CLASP2: variants seen among roughly 807,000 people sequenced by gnomAD.
CLASP2 encodes CLIP-associating protein 2.
A neutral mutation model predicts 194.4 loss-of-function variants in CLASP2; 47 were observed. The observed-to-expected ratio is 0.24, with a 90% CI of 0.19 to 0.31. The LOEUF (loss-of-function observed/expected upper bound fraction) is 0.31. Among genes scored for constraint, CLASP2 ranks in the 10% least tolerant of loss-of-function variants. The pLI, the probability that CLASP2 is intolerant of heterozygous loss-of-function variation, is 1.00. For synonymous variants in CLASP2, 619 were observed against 633.5 expected, an observed-to-expected ratio of 0.98 and a Z score of 0.34; for missense variants, 1,445 against 1,823.6, an observed-to-expected ratio of 0.79 and a Z score of 3.78.
At chr3:33,649,276 T>G (rs544539098) in intron 7 of CLASP2, among the ~76,000 whole-genome samples, 17 of 152,356 alleles carry the variant, frequency 1.1e-4, no homozygotes, top group African/African-American at 4.1e-4. Flanking sequence ...GATGTATCCC[T>G]GCCTGTGTTA....
In CLASP2 at chr3:33,592,415, T is replaced by A. The variant is rs1398293357; in HGVS notation, c.2048A>T (p.Lys683Ile). 1 of 1,613,096 alleles carries A rather than the reference T, an allele frequency of 6.2e-7. No homozygotes were observed. Among genetic ancestry groups the A allele is most frequent in the African/African-American group, 1.3e-5 (1 of 74,930 alleles). Residue 683 changes from lysine (K) to isoleucine (I), a missense_variant, in exon 21 of 39, where the codon AAA (lysine) becomes ATA (isoleucine). Transcript: ENST00000682230. ...KADSRGRSRT[K>I]MVSQSQPGSR... Reference sequence around the variant, plus strand: ...CATACGCTGTGATTGAGACACCATTTTTGTTCGACTTCTTCCTCTAGAATC... The same window carrying A: ...CATACGCTGTGATTGAGACACCATTATTGTTCGACTTCTTCCTCTAGAATC...
At chr3:33,716,737 G>A (rs756152361) in intron 1 of CLASP2, among the ~76,000 whole-genome samples, 9 of 152,152 alleles carry the variant, frequency 5.9e-5, no homozygotes, top group Admixed American at 5.9e-4. Flanking sequence ...AAGCATCGAC[G>A]TGGGTAACTC....
At chr3:33,682,691 A>G (rs1575559916) in intron 6 of CLASP2, among the ~76,000 whole-genome samples, 1 of 152,224 alleles carries the variant, frequency 6.6e-6, no homozygotes, top group African/African-American at 2.4e-5. Context: ...CAGGATCTTT[A>G]GTGATCTGAC....
intron 21 of CLASP2, among the ~76,000 whole-genome samples, chr3:33,586,355 G>A (rs921227378): frequency 1.1e-4 from 16 of 151,972 alleles, no homozygotes; most frequent in African/African-American, 3.9e-4. Context: ...GGCTGGTCTC[G>A]AACTCCTGAC....
chr3:33,718,214 G>T lies in CLASP2; in HGVS notation c.-212C>A, dbSNP rs537739198. On this transcript the variant is annotated 5_prime_UTR_variant, in exon 1 of 39. Coordinates refer to ENST00000682230, the MANE Select transcript of CLASP2 (RefSeq NM_001365631.1). ...CTCGGCGCCCCCCGATCCCCAGCCC[G>T]CTTCAGAGGCCGCGGCCGCGGGCGA... 1 of 301,060 alleles carries T rather than the reference G, an allele frequency of 3.3e-6. No individual in the cohort carries two copies. Among genetic ancestry groups the T allele is most frequent in the Admixed American group, 5.3e-5 (1 of 18,720 alleles). 18.6% of individuals were successfully genotyped at this position (301,060 alleles called of 1,614,324 possible).
intron 14 of CLASP2, 103 bp from the exon 15 acceptor site, chr3:33,607,564 C>T (rs182489474): frequency 2.0e-5 from 13 of 635,016 alleles, no homozygotes; most frequent in Non-Finnish European, 2.7e-5. Context: ...AACAGGTAGG[C>T]GAGGAAAATA....
At chr3:33,564,176 G>T (rs979917304) in intron 27 of CLASP2, among the ~76,000 whole-genome samples, 2 of 152,098 alleles carry the variant, frequency 1.3e-5, no homozygotes, top group Non-Finnish European at 2.9e-5. Context: ...TCACCAATTA[G>T]AACTAGAACC....
intron 23 of CLASP2, among the ~76,000 whole-genome samples, chr3:33,579,015 A>T (rs1560126710): frequency 1.3e-5 from 2 of 152,218 alleles, no homozygotes; most frequent in Non-Finnish European, 2.9e-5. Flanking sequence ...CAAAGAATGT[A>T]GGCAAATGTA....
At chr3:33,538,376 TA>T (rs899277506) in intron 33 of CLASP2, among the ~76,000 whole-genome samples, 1 of 152,228 alleles carries the variant, frequency 6.6e-6, no homozygotes, top group Admixed American at 6.5e-5. Context: ...CCACACAATC[TA>T]AAATAGACTC....
chr3:33,592,776 A>C (rs1404535603), intron 20 of CLASP2: 1 of 398,194 alleles, frequency 2.5e-6, no homozygotes, highest in Admixed American at 3.9e-5. Flanking sequence ...GATAATCACC[A>C]TAAGCATGTC....
intron 18 of CLASP2, among the ~76,000 whole-genome samples, chr3:33,598,671 T>A (rs1432652271): frequency 6.6e-6 from 1 of 152,190 alleles, no homozygotes; most frequent in Non-Finnish European, 1.5e-5. Context: ...TCACCCCTTT[T>A]CTTGACCGTC....
intron 8 of CLASP2, among the ~76,000 whole-genome samples, chr3:33,633,142 CCA>C (rs1338054316): frequency 6.6e-6 from 1 of 152,128 alleles, no homozygotes; most frequent in Non-Finnish European, 1.5e-5. Flanking sequence ...GCACCTGACT[CCA>C]GTTTGCAGTT....
chr3:33,673,156 T>A (rs2087719475), intron 6 of CLASP2, among the ~76,000 whole-genome samples: 1 of 152,050 alleles, frequency 6.6e-6, no homozygotes, highest in African/African-American at 2.4e-5. Flanking sequence ...TCACCAAGGT[T>A]GAAATGAAGG....
chr3:33,668,133 C>T (rs556106716), intron 6 of CLASP2, among the ~76,000 whole-genome samples: 6 of 152,246 alleles, frequency 3.9e-5, no homozygotes, highest in East Asian at 3.9e-4. Flanking sequence ...GCAAGAGAAT[C>T]GCTTGAACCC....
intron 32 of CLASP2, among the ~76,000 whole-genome samples, chr3:33,539,179 C>T (rs1358535617): frequency 6.6e-6 from 1 of 152,100 alleles, no homozygotes; most frequent in South Asian, 2.1e-4. Context: ...ACTAGTTTGT[C>T]TTTCCACCTT....
chr3:33,552,679 C>A (rs528290915), intron 29 of CLASP2, among the ~76,000 whole-genome samples: 6 of 152,106 alleles, frequency 3.9e-5, no homozygotes, highest in African/African-American at 9.6e-5. Flanking sequence ...TCAATGAATC[C>A]ATCGTTTCAG....
At chr3:33,692,264 G>C (rs2091436772) in intron 2 of CLASP2, among the ~76,000 whole-genome samples, 1 of 152,178 alleles carries the variant, frequency 6.6e-6, no homozygotes, top group African/African-American at 2.4e-5. Flanking sequence ...TGAGGTGTTT[G>C]AGTGTGTGTG....
At chr3:33,635,526 GGAGAAT>G (rs2079977557) in intron 8 of CLASP2, among the ~76,000 whole-genome samples, 3 of 152,080 alleles carry the variant, frequency 2.0e-5, no homozygotes, top group Non-Finnish European at 4.4e-5. Flanking sequence ...GAAATAACTA[GGAGAAT>G]TAGGTTTTAG....
intron 7 of CLASP2, among the ~76,000 whole-genome samples, chr3:33,658,048 G>A (rs756398593): frequency 2.6e-5 from 4 of 152,100 alleles, no homozygotes; most frequent in Non-Finnish European, 5.9e-5. Context: ...TGATGTTGAT[G>A]TGATTATAAA....
Sources: gnomAD v4.1 joint callset for allele counts (sites outside exome capture counted in the v4.1 genomes callset) on GRCh38, gnomAD v4.1.1 for gene constraint, MANE v1.5 for transcripts, NCBI Gene and HGNC (gene_info 2026-07-23, HGNC 2026-07-21) for gene names.